ADAMTS19: variants seen among roughly 807,000 people sequenced by gnomAD.
The protein encoded by ADAMTS19 is ADAM metallopeptidase with thrombospondin type 1 motif 19.
A neutral mutation model predicts 153.3 loss-of-function variants in ADAMTS19; 93 were observed. That is an observed-to-expected ratio of 0.61 (90% CI 0.51 to 0.72). The LOEUF (loss-of-function observed/expected upper bound fraction) is 0.72. Ranked by LOEUF, ADAMTS19 falls within the 30% of genes least tolerant of loss-of-function variation. The pLI is 0.00. For missense variants in ADAMTS19, 1,482 were observed against 1,552.1 expected (o/e 0.95, Z 0.76); for synonymous variants, 600 against 556.6 (o/e 1.08, Z -1.10).
intron 17 of ADAMTS19, among the ~76,000 whole-genome samples, chr5:129,683,302 G>T (rs565417432): frequency 2.8e-4 from 43 of 152,056 alleles, no homozygotes; most frequent in African/African-American, 1.0e-3. Flanking sequence ...GCCTGGCACT[G>T]GGAACCAGTA....
At chr5:129,672,247 A>T (rs1024622907) in intron 16 of ADAMTS19, among the ~76,000 whole-genome samples, 2 of 152,050 alleles carry the variant, frequency 1.3e-5, no homozygotes, top group Non-Finnish European at 2.9e-5. Context: ...TCTAATCCTA[A>T]TTACCTCCCG....
intron 6 of ADAMTS19, among the ~76,000 whole-genome samples, chr5:129,544,304 A>G (rs1284513792): frequency 6.6e-6 from 1 of 152,212 alleles, no homozygotes; most frequent in Non-Finnish European, 1.5e-5. Context: ...TCAACTGAAC[A>G]TCTTATTGAG....
intron 8 of ADAMTS19, among the ~76,000 whole-genome samples, chr5:129,618,594 A>G (rs937318581): frequency 6.6e-6 from 1 of 151,958 alleles, no homozygotes; most frequent in Admixed American, 6.6e-5. Flanking sequence ...GTTTTTAAAA[A>G]TTTTATTTTG....
At chr5:129,530,822 A>C (rs1244823648) in intron 6 of ADAMTS19, among the ~76,000 whole-genome samples, 1 of 152,076 alleles carries the variant, frequency 6.6e-6, no homozygotes, top group Non-Finnish European at 1.5e-5. Flanking sequence ...AGCAGGAAAA[A>C]AAAAAAAGGA....
At chr5:129,548,184 TTAAAC>T (rs1424858306) in intron 6 of ADAMTS19, among the ~76,000 whole-genome samples, 2 of 150,200 alleles carry the variant, frequency 1.3e-5, no homozygotes, top group African/African-American at 5.0e-5. Flanking sequence ...TGGGATCTAA[TTAAAC>T]TAAAGAGCTT....
At chr5:129,725,926 A>G (rs1305538343) in intron 21 of ADAMTS19, among the ~76,000 whole-genome samples, 2 of 152,156 alleles carry the variant, frequency 1.3e-5, no homozygotes, top group African/African-American at 4.8e-5. Context: ...TACTTTCCTT[A>G]GGTAGATTTA....
chr5:129,652,013 T>C (rs1753337733), intron 13 of ADAMTS19, among the ~76,000 whole-genome samples: 1 of 152,004 alleles, frequency 6.6e-6, no homozygotes, highest in Admixed American at 6.6e-5. Context: ...AGATAGAAAA[T>C]AGGTGTTCTC....
chr5:129,645,498 T>C (rs1168913171), intron 11 of ADAMTS19, among the ~76,000 whole-genome samples: 2 of 152,224 alleles, frequency 1.3e-5, no homozygotes, highest in African/African-American at 4.8e-5. Flanking sequence ...AAACTTTAAA[T>C]ACTATGCTGT....
chr5:129,655,233 G>A (rs1317674562), intron 14 of ADAMTS19, among the ~76,000 whole-genome samples: 1 of 152,206 alleles, frequency 6.6e-6, no homozygotes, highest in Non-Finnish European at 1.5e-5. Context: ...TGTGGGAAGT[G>A]CTTAAACTGG....
intron 7 of ADAMTS19, among the ~76,000 whole-genome samples, chr5:129,561,195 T>G (rs912444128): frequency 6.6e-6 from 1 of 152,178 alleles, no homozygotes; most frequent in African/African-American, 2.4e-5. Context: ...TTTGAGAGTT[T>G]CTTTGTTTGG....
intron 19 of ADAMTS19, 105 bp from the exon 20 acceptor site, chr5:129,701,283 A>G: frequency 3.1e-6 from 4 of 1,287,488 alleles, no homozygotes; most frequent in South Asian, 1.4e-5. Context: ...TCCTTTGTAA[A>G]TTGCCCAGTC....
intron 21 of ADAMTS19, among the ~76,000 whole-genome samples, chr5:129,720,321 G>A (rs988950118): frequency 3.3e-5 from 5 of 151,582 alleles, no homozygotes; most frequent in Non-Finnish European, 7.4e-5. Flanking sequence ...AAAGGTGTCC[G>A]CCACCACGCC....
chr5:129,642,961 G>C (rs924957274), intron 11 of ADAMTS19, among the ~76,000 whole-genome samples: 2 of 152,062 alleles, frequency 1.3e-5, no homozygotes, highest in Non-Finnish European at 2.9e-5. Flanking sequence ...GGTGAGAAGT[G>C]AGAAACAATA....
At chr5:129,468,619 T>C (rs1174534868) in intron 2 of ADAMTS19, among the ~76,000 whole-genome samples, 10 of 152,154 alleles carry the variant, frequency 6.6e-5, no homozygotes, top group Non-Finnish European at 1.5e-4. Context: ...CCCAAAGTGC[T>C]GGGATTGCAG....
chr5:129,484,040 G>A (rs1209317319), intron 2 of ADAMTS19, among the ~76,000 whole-genome samples: 3 of 152,072 alleles, frequency 2.0e-5, no homozygotes, highest in Non-Finnish European at 4.4e-5. Context: ...TTTATCCATA[G>A]TGAATATTAA....
At chr5:129,721,027 T>C (rs7723980) in intron 21 of ADAMTS19, among the ~76,000 whole-genome samples, 1,951 of 152,310 alleles carry the variant, frequency 0.013, 34 homozygotes, top group African/African-American at 0.043. Context: ...CCCATTGACA[T>C]CATGGTTGAC....
In ADAMTS19 at chr5:129,460,411, T is replaced by C; in HGVS notation, c.20T>C (p.Met7Thr). 6.2e-7 allele frequency: 1 copy of C among 1,614,028 alleles called. No homozygotes were observed. The highest frequency in any genetic ancestry group is 1.1e-5 in the South Asian group (1 of 91,086). Reference protein sequence around the residue: MGKNREMRLTHICCCCL... With the variant: MGKNRETRLTHICCCCL... The stretch of plus-strand genomic sequence containing the variant: ...CGCAGTATGGGGAAGAACCGCGAGA[T>C]GCGCCTGACTCACATCTGCTGCTGC... The change falls in exon 1 of 23, where the codon ATG becomes ACG. Residue 7 changes from methionine (M) to threonine (T), a missense_variant. Transcript: ENST00000274487.
At chr5:129,688,842 G>T (rs535197597) in intron 18 of ADAMTS19, among the ~76,000 whole-genome samples, 11 of 152,106 alleles carry the variant, frequency 7.2e-5, no homozygotes, top group Non-Finnish European at 4.4e-5. Flanking sequence ...TTCACTTTGC[G>T]TTAGAGTTCT....
intron 3 of ADAMTS19, among the ~76,000 whole-genome samples, chr5:129,513,243 C>T (rs1233775935): frequency 6.6e-6 from 1 of 151,770 alleles, no homozygotes; most frequent in African/African-American, 2.4e-5. Flanking sequence ...TGTCTTTGTT[C>T]CTCTAAGTCT....
Sources: gnomAD v4.1 joint callset for allele counts (sites outside exome capture counted in the v4.1 genomes callset) on GRCh38, gnomAD v4.1.1 for gene constraint, MANE v1.5 for transcripts, NCBI Gene and HGNC (gene_info 2026-07-23, HGNC 2026-07-21) for gene names.